Variants in EYS observed in about 807,000 individuals in gnomAD.
EYS encodes the protein protein eyes shut homolog.
Under a neutral mutation model 282.1 loss-of-function variants are expected in EYS, and 250 were observed. That is an observed-to-expected ratio of 0.89 (90% CI 0.80 to 0.98). The LOEUF is 0.98. Among genes scored for constraint, EYS ranks in the 50% least tolerant of loss-of-function variants. The pLI, the probability that EYS is intolerant of heterozygous loss-of-function variation, is 0.00. For synonymous variants in EYS, 1,355 were observed against 1,282.9 expected (o/e 1.06, Z -1.20); for missense variants, 4,016 against 3,709.0 (o/e 1.08, Z -2.15).
chr6:64,108,189 C>T (rs1051721078), intron 31 of EYS, among the ~76,000 whole-genome samples: 3 of 152,100 alleles, frequency 2.0e-5, no homozygotes, highest in African/African-American at 4.8e-5. Context: ...TGAGGACCCT[C>T]CTATGTTTGT....
At chr6:65,227,795 T>A (rs1376998165) in intron 12 of EYS, among the ~76,000 whole-genome samples, 1 of 152,122 alleles carries the variant, frequency 6.6e-6, no homozygotes, top group Non-Finnish European at 1.5e-5. Context: ...GACAACATTA[T>A]GCTAATTGAA....
chr6:64,952,274 C>A (rs921211571), intron 14 of EYS, among the ~76,000 whole-genome samples: 4 of 151,854 alleles, frequency 2.6e-5, no homozygotes, highest in African/African-American at 9.7e-5. Context: ...GAACTTACTG[C>A]AATGTTTAAG....
rs571927011 is a variant in EYS at position 64,994,462 on chromosome 6, T to C, written c.2259+3120A>G. ...CCACATGTCAGTGGGATTGCCTGGG[T>C]TCATCTGGACAGTCCAGCTCATACA... On this transcript the variant is annotated intron_variant, in intron 14 of 42. Transcript: ENST00000503581. Among the ~76,000 whole-genome samples, 6 of 152,206 alleles carry C rather than the reference T, an allele frequency of 3.9e-5. No individual in the cohort carries two copies. In the East Asian group the frequency reaches 1.2e-3, roughly 30 times the overall value.
rs143682805 is a variant in EYS at position 65,088,975 on chromosome 6, G to A, written c.2024-31248C>T. Reference sequence around the variant, plus strand: ...CAGGCTTTGGCAGTTTCCACATGCTGTCGAGCCTGTGGGTGCACAGAAGTC... The same window carrying A: ...CAGGCTTTGGCAGTTTCCACATGCTATCGAGCCTGTGGGTGCACAGAAGTC... On this transcript the variant is annotated intron_variant, in intron 12 of 42. Coordinates refer to ENST00000503581, the MANE Select transcript of EYS (RefSeq NM_001142800.2). 7.4e-3 allele frequency among the ~76,000 whole-genome samples: 1,134 copies of A among 152,270 alleles called. 23 individuals carry two copies. Among genetic ancestry groups the A allele is most frequent in the African/African-American group, 0.024 (1,016 of 41,568 alleles).
intron 41 of EYS, among the ~76,000 whole-genome samples, chr6:63,751,842 A>G (rs1470247418): frequency 6.6e-6 from 1 of 152,116 alleles, no homozygotes; most frequent in African/African-American, 2.4e-5. Flanking sequence ...ATGCTGAACA[A>G]CTCTACTTAA....
chr6:64,830,416 C>T (rs901330613), intron 19 of EYS, among the ~76,000 whole-genome samples: 2 of 151,916 alleles, frequency 1.3e-5, no homozygotes, highest in Admixed American at 6.6e-5. Context: ...AAATATGTGA[C>T]ATTAAGGTGA....
chr6:65,335,696 T>A lies in EYS; in HGVS notation c.1600-550A>T, dbSNP rs569102650. Among the ~76,000 whole-genome samples, 3 of 151,724 alleles carry A rather than the reference T, an allele frequency of 2.0e-5. No homozygotes were observed. The South Asian group carries it at 6.2e-4, about 31-fold the overall frequency. On this transcript the variant is annotated intron_variant, in intron 10 of 42. Transcript: ENST00000503581. Reference sequence around the variant, plus strand: ...CCTGTCCCCCATAAATATGTATTGCTTTCCCCACAAACTTGCTGAATATGT... The same window carrying A: ...CCTGTCCCCCATAAATATGTATTGCATTCCCCACAAACTTGCTGAATATGT...
At chr6:64,153,912 C>T (rs928343271) in intron 31 of EYS, among the ~76,000 whole-genome samples, 43 of 151,886 alleles carry the variant, frequency 2.8e-4, no homozygotes, top group African/African-American at 8.4e-4. Context: ...ATAGATAAAA[C>T]GAATGAACAA....
At chr6:65,063,753 A>G (rs897884141) in intron 12 of EYS, among the ~76,000 whole-genome samples, 1 of 152,080 alleles carries the variant, frequency 6.6e-6, no homozygotes, top group African/African-American at 2.4e-5. Flanking sequence ...CTTCCCAAAA[A>G]TGGCACAAAG....
chr6:64,836,348 T>A lies in EYS; in HGVS notation c.2993-13526A>T, dbSNP rs79756126. ...ATATGGCAATGTATTCTTCCATGAA[T>A]AATATATACAGTAATCTAATTTCAA... On this transcript the variant is annotated intron_variant, in intron 19 of 42. Transcript: ENST00000503581. 6.8e-3 allele frequency among the ~76,000 whole-genome samples: 1,023 copies of A among 151,246 alleles called. 13 individuals are homozygous for A. Among genetic ancestry groups the A allele is most frequent in the African/African-American group, 0.023 (972 of 41,424 alleles).
At chr6:65,171,195 G>A (rs1485928749) in intron 12 of EYS, among the ~76,000 whole-genome samples, 1 of 151,420 alleles carries the variant, frequency 6.6e-6, no homozygotes, top group Non-Finnish European at 1.5e-5. Context: ...CCAGTTTCCT[G>A]AAAACACTGT....
intron 26 of EYS, among the ~76,000 whole-genome samples, chr6:64,449,273 G>T (rs1775229242): frequency 6.6e-6 from 1 of 151,870 alleles, no homozygotes; most frequent in Non-Finnish European, 1.5e-5. Flanking sequence ...AAGACGAAAT[G>T]AATGAAATGA....
At chr6:64,579,655 G>A (rs73455450) in intron 26 of EYS, among the ~76,000 whole-genome samples, 1 of 151,966 alleles carries the variant, frequency 6.6e-6, no homozygotes, top group Admixed American at 6.6e-5. Flanking sequence ...CACAGACAGG[G>A]TTATTGGCTT....
chr6:65,423,448 G>A (rs575112490), intron 5 of EYS, among the ~76,000 whole-genome samples: 2 of 152,012 alleles, frequency 1.3e-5, no homozygotes, highest in South Asian at 4.1e-4. Context: ...TCAAATGTTA[G>A]CCAATGTCAG....
intron 35 of EYS, among the ~76,000 whole-genome samples, chr6:63,881,054 A>G (rs1268412890): frequency 1.3e-5 from 2 of 152,138 alleles, no homozygotes; most frequent in African/African-American, 4.8e-5. Flanking sequence ...TTTCTTTTAC[A>G]ATAAATGGAT....
chr6:64,877,794 AGTT>A (rs1404233352), intron 19 of EYS, among the ~76,000 whole-genome samples: 1 of 152,216 alleles, frequency 6.6e-6, no homozygotes, highest in Non-Finnish European at 1.5e-5. Context: ...ATCGAGTAGT[AGTT>A]TAACACTTTT....
rs182018650 is a variant in EYS at position 65,483,320 on chromosome 6, C to A, written c.862+7274G>T. Among the ~76,000 whole-genome samples the A allele has an allele frequency of 7.9e-5, 12 of 152,032 alleles. No individual in the cohort carries two copies. In the East Asian group the frequency reaches 1.9e-3, roughly 24 times the overall value. On this transcript the variant is annotated intron_variant, in intron 5 of 42. Coordinates refer to ENST00000503581, the MANE Select transcript of EYS (RefSeq NM_001142800.2). ...TGCTCTACACCATATTTATTTGCAG[C>A]CTTAATGTAAATTTGCATTAAATGT...
chr6:64,520,638 C>T (rs1367504665), intron 26 of EYS, among the ~76,000 whole-genome samples: 1 of 151,606 alleles, frequency 6.6e-6, no homozygotes, highest in East Asian at 1.9e-4. Context: ...AATTCTGTTT[C>T]ATTCTAGTGG....
At chr6:65,405,415 A>G (rs1466102987) in intron 5 of EYS, 48 bp from the exon 6 acceptor site, 5 of 1,447,128 alleles carry the variant, frequency 3.5e-6, no homozygotes, top group Admixed American at 1.8e-5. Context: ...AAGGAAGGAA[A>G]GAAGAAATGA....
Sources: gnomAD v4.1 joint callset for allele counts (sites outside exome capture counted in the v4.1 genomes callset) on GRCh38, gnomAD v4.1.1 for gene constraint, MANE v1.5 for transcripts, NCBI Gene and HGNC (gene_info 2026-07-23, HGNC 2026-07-21) for gene names.